The following ITPR1 variants were observed in gnomAD, a reference collection of about 807,000 sequenced individuals.
ITPR1 encodes the protein inositol 1,4,5-trisphosphate receptor type 1.
A neutral mutation model predicts 318.4 loss-of-function variants in ITPR1; 96 were observed. The ratio of observed to expected loss-of-function variants is 0.30; its 90% CI spans 0.26 to 0.36. ITPR1 has a LOEUF of 0.36. Among genes scored for constraint, ITPR1 ranks in the 10% least tolerant of loss-of-function variants. The pLI, the probability that ITPR1 is intolerant of heterozygous loss-of-function variation, is 1.00. For synonymous variants in ITPR1, 1,312 were observed against 1,289.9 expected (o/e 1.02, Z -0.37); for missense variants, 2,440 against 3,460.2 (o/e 0.71, Z 7.40).
At position 4,847,442 on chromosome 3, in the gene ITPR1, A is replaced by AAAT. The variant is rs1288718085; in HGVS notation, c.*1218_*1220dup. The AAAT allele has an allele frequency of 1.3e-5, 2 of 151,336 alleles. No individual in the cohort carries two copies. Among genetic ancestry groups the AAAT allele is most frequent in the Non-Finnish European group, 2.9e-5 (2 of 67,916 alleles). The allele number at this position is 151,336 out of a possible 1,614,324, so 9.4% of individuals were successfully genotyped here. A position where few individuals can be genotyped will look rare whatever the true frequency, so the allele number is the denominator to read the frequency against. On this transcript the variant is annotated 3_prime_UTR_variant, in exon 62 of 62. Transcript: ENST00000649015. ...AAAATGCATTGAAAGCAGAGTTCTG[A>AAAT]AATGAGTAAAGTTTGTAAATGCATA...
chr3:4,612,028 C>A (rs2092151705), intron 4 of ITPR1, among the ~76,000 whole-genome samples: 1 of 146,884 alleles, frequency 6.8e-6, no homozygotes, highest in African/African-American at 2.5e-5. Flanking sequence ...AAAAATAATA[C>A]AAATAAAATT....
intron 44 of ITPR1, among the ~76,000 whole-genome samples, chr3:4,753,280 C>T (rs1290066824): frequency 6.6e-6 from 1 of 152,100 alleles, no homozygotes; most frequent in Non-Finnish European, 1.5e-5. Flanking sequence ...TCTGTGGTTC[C>T]CGCCGATCCC....
chr3:4,514,100 A>AG (rs2082023609), intron 2 of ITPR1, among the ~76,000 whole-genome samples: 1 of 151,668 alleles, frequency 6.6e-6, no homozygotes, highest in Non-Finnish European at 1.5e-5. Context: ...AAAAAAAAAA[A>AG]GTCTGATAGA....
At chr3:4,547,599 A>G (rs1274386612) in intron 4 of ITPR1, among the ~76,000 whole-genome samples, 1 of 152,232 alleles carries the variant, frequency 6.6e-6, no homozygotes, top group Non-Finnish European at 1.5e-5. Context: ...TTTACCATTT[A>G]TTACACGCTA....
At chr3:4,706,856 G>A (rs1363066165) in intron 37 of ITPR1, among the ~76,000 whole-genome samples, 1 of 152,218 alleles carries the variant, frequency 6.6e-6, no homozygotes, top group African/African-American at 2.4e-5. Flanking sequence ...TTGTTAAAGG[G>A]GAGAGTAGTG....
chr3:4,655,147 A>G (rs949324611), intron 12 of ITPR1, among the ~76,000 whole-genome samples: 2 of 152,172 alleles, frequency 1.3e-5, no homozygotes, highest in Non-Finnish European at 2.9e-5. Context: ...GAGGGACGTC[A>G]TGTTTCACAG....
intron 4 of ITPR1, among the ~76,000 whole-genome samples, chr3:4,534,606 C>A (rs1483110188): frequency 6.6e-6 from 1 of 152,140 alleles, no homozygotes; most frequent in African/African-American, 2.4e-5. Context: ...ATAAGTTGGG[C>A]AATTATTCCT....
chr3:4,535,433 T>A (rs1575445927), intron 4 of ITPR1, among the ~76,000 whole-genome samples: 1 of 117,216 alleles, frequency 8.5e-6, no homozygotes, highest in South Asian at 3.1e-4. Context: ...TTTCTTTTTT[T>A]TTTTTTTAAT....
At chr3:4,799,489 T>C (rs1258601395) in intron 53 of ITPR1, among the ~76,000 whole-genome samples, 2 of 152,186 alleles carry the variant, frequency 1.3e-5, no homozygotes, top group Non-Finnish European at 2.9e-5. Flanking sequence ...GGAAGAGCTG[T>C]GCCCTGCAAA....
At chr3:4,833,608 G>A (rs866573379) in intron 60 of ITPR1, among the ~76,000 whole-genome samples, 1 of 152,100 alleles carries the variant, frequency 6.6e-6, no homozygotes, top group Non-Finnish European at 1.5e-5. Context: ...AAGGCACGGC[G>A]GCCTTTCACA....
intron 4 of ITPR1, among the ~76,000 whole-genome samples, chr3:4,555,120 G>T (rs185726899): frequency 6.6e-6 from 1 of 152,166 alleles, no homozygotes; most frequent in Non-Finnish European, 1.5e-5. Context: ...GGAGAATTCA[G>T]TGTTTTTATT....
At chr3:4,501,570 G>T (rs999573034) in intron 2 of ITPR1, among the ~76,000 whole-genome samples, 2 of 152,226 alleles carry the variant, frequency 1.3e-5, no homozygotes, top group African/African-American at 4.8e-5. Flanking sequence ...TCATTTAGTG[G>T]TTCCTTTGCT....
chr3:4,779,884 A>C lies in ITPR1; in HGVS notation c.6387+239A>C, dbSNP rs142375818. On this transcript the variant is annotated intron_variant, in intron 49 of 61. Transcript: ENST00000649015. This position sits in a 1 kb window ranked among gnomAD's most constrained non-coding sequence, Gnocchi z 4.0. ...AAAACCACTATTACTTTTGCCGTTG[A>C]AAGTAATGGCAAAAACCGCGATTAC... 6.7e-6 allele frequency among the ~76,000 whole-genome samples: 1 copy of C among 149,768 alleles called. No homozygotes were observed. Among genetic ancestry groups the C allele is most frequent in the Non-Finnish European group, 1.5e-5 (1 of 67,388 alleles).
chr3:4,578,065 C>T (rs960993240), intron 4 of ITPR1, among the ~76,000 whole-genome samples: 1 of 152,208 alleles, frequency 6.6e-6, no homozygotes, highest in African/African-American at 2.4e-5. Context: ...AATATTAGCC[C>T]TTCCAGCTCA....
intron 4 of ITPR1, among the ~76,000 whole-genome samples, chr3:4,563,643 T>C (rs1053085357): frequency 3.3e-5 from 5 of 152,244 alleles, no homozygotes; most frequent in African/African-American, 1.2e-4. Flanking sequence ...TACGTGTTTC[T>C]GGTACCCTGA....
chr3:4,660,945 C>T (rs375232974), intron 13 of ITPR1, 43 bp from the exon 14 acceptor site: 74 of 1,031,980 alleles, frequency 7.2e-5, no homozygotes, highest in Non-Finnish European at 9.8e-5. Flanking sequence ...TAGAGTAAAC[C>T]TCAATATTTA....
In ITPR1 at chr3:4,830,934, C is replaced by T. The variant is rs117193511; in HGVS notation, c.8029-5840C>T. 6.7e-4 allele frequency: 307 copies of T among 456,510 alleles called. No individual in the cohort carries two copies. In the East Asian group the frequency reaches 7.1e-3, roughly 11 times the overall value. The allele number at this position is 456,510 out of a possible 1,614,324, so 28.3% of individuals were successfully genotyped here. On this transcript the variant is annotated intron_variant, in intron 60 of 61. Transcript: ENST00000649015. ...AATGTTCCATCGTTTAGGTGGTAAA[C>T]GTAAAACTCTACCTGAGCAGACTTT...
At chr3:4,701,710 T>C (rs1463764072) in intron 35 of ITPR1, among the ~76,000 whole-genome samples, 4 of 152,172 alleles carry the variant, frequency 2.6e-5, no homozygotes, top group Non-Finnish European at 5.9e-5. Flanking sequence ...GCCTTTGTTT[T>C]TCATGCGTGA....
intron 61 of ITPR1, among the ~76,000 whole-genome samples, chr3:4,837,755 T>C (rs1392250217): frequency 6.6e-6 from 1 of 152,196 alleles, no homozygotes; most frequent in African/African-American, 2.4e-5. Context: ...CAGGTGGTTA[T>C]CTAGTGATAG....
Sources: gnomAD v4.1 joint callset for allele counts (sites outside exome capture counted in the v4.1 genomes callset) on GRCh38, gnomAD v4.1.1 for gene constraint, Gnocchi (gnomAD v3.1) non-coding constraint, MANE v1.5 for transcripts, NCBI Gene and HGNC (gene_info 2026-07-23, HGNC 2026-07-21) for gene names.